Variants in PTPDC1 observed in about 807,000 individuals in gnomAD.
PTPDC1 encodes protein tyrosine phosphatase domain containing 1, also known as protein tyrosine phosphatase domain-containing protein 1.
PTPDC1 carries 53 observed loss-of-function variants against 75.3 expected under a neutral mutation model. The ratio of observed to expected loss-of-function variants is 0.70; its 90% CI spans 0.56 to 0.88. The LOEUF is 0.88. Among genes scored for constraint, PTPDC1 ranks in the 40% least tolerant of loss-of-function variants. The pLI, the probability that PTPDC1 is intolerant of heterozygous loss-of-function variation, is 0.00. For synonymous variants in PTPDC1, 349 were observed against 366.2 expected (o/e 0.95, Z 0.54); for missense variants, 925 against 998.6 (o/e 0.93, Z 0.99).
chr9:94,042,534 G>A (rs1049373843), intron 1 of PTPDC1, among the ~76,000 whole-genome samples: 18 of 152,098 alleles, frequency 1.2e-4, no homozygotes, highest in African/African-American at 4.1e-4. Context: ...ATGTATATAC[G>A]TTAATTTTAA....
intron 1 of PTPDC1, among the ~76,000 whole-genome samples, chr9:94,039,856 G>C (rs1172581281): frequency 6.6e-6 from 1 of 152,120 alleles, no homozygotes; most frequent in African/African-American, 2.4e-5. Flanking sequence ...ATCTATAGTA[G>C]ATTCTGTTAA....
chr9:94,040,686 T>C (rs939635958), intron 1 of PTPDC1, among the ~76,000 whole-genome samples: 7 of 152,170 alleles, frequency 4.6e-5, no homozygotes, highest in African/African-American at 1.7e-4. Context: ...ATATATTTAT[T>C]TTTACATATT....
At chr9:94,082,897 C>T (rs113067284), upstream of PTPDC1, among the ~76,000 whole-genome samples, 160 of 152,296 alleles carry the variant, frequency 1.1e-3, no homozygotes, top group Admixed American at 2.1e-3. Context: ...ACCCCTACCC[C>T]TTATCTAATG....
intron 2 of PTPDC1, among the ~76,000 whole-genome samples, chr9:94,073,910 G>A (rs1488867160): frequency 6.6e-6 from 1 of 151,976 alleles, no homozygotes; most frequent in South Asian, 2.1e-4. Flanking sequence ...CTGTCTTTCT[G>A]TTATCGATTT....
chr9:94,072,378 T>G (rs957330427), intron 2 of PTPDC1, among the ~76,000 whole-genome samples: 5 of 152,182 alleles, frequency 3.3e-5, no homozygotes, highest in Non-Finnish European at 7.4e-5. Flanking sequence ...GATTTTTGTA[T>G]GTTGATTTTA....
At chr9:94,062,098 G>A (rs1022972113) in intron 1 of PTPDC1, among the ~76,000 whole-genome samples, 1 of 152,140 alleles carries the variant, frequency 6.6e-6, no homozygotes, top group Non-Finnish European at 1.5e-5. Flanking sequence ...GCAGCCGGGT[G>A]ACTTCTTGAA....
chr9:94,077,616 C>T (rs528977273), intron 2 of PTPDC1, among the ~76,000 whole-genome samples: 1 of 152,296 alleles, frequency 6.6e-6, no homozygotes, highest in African/African-American at 2.4e-5. Flanking sequence ...ACAGAGCATC[C>T]ATGCTGACCC....
At chr9:94,035,510 G>T (rs1195859400) in intron 1 of PTPDC1, among the ~76,000 whole-genome samples, 1 of 152,154 alleles carries the variant, frequency 6.6e-6, no homozygotes, top group East Asian at 1.9e-4. Context: ...ATGTCAGAAT[G>T]TATTTCTTTT....
Position 94,101,791 on chromosome 9 carries a change from G to A in PTPDC1, c.2199+40G>A, listed in dbSNP as rs371915116. ...GGACCAGTTAATGACTGTAACTGAGGCCCTTAGTTTTTCACGCAGAAAAAA... is the reference window on the plus strand; with the variant it reads ...GGACCAGTTAATGACTGTAACTGAGACCCTTAGTTTTTCACGCAGAAAAAA... On this transcript the variant is annotated intron_variant, in intron 7 of 8. Coordinates refer to ENST00000620992, the MANE Select transcript of PTPDC1 (RefSeq NM_001253829.2). 26 of 1,223,856 alleles carry A rather than the reference G, an allele frequency of 2.1e-5. No homozygotes were observed. In the African/African-American group the frequency reaches 3.6e-4, roughly 17 times the overall value. 75.8% of individuals were successfully genotyped at this position (1,223,856 alleles called of 1,614,324 possible).
At chr9:94,061,457 T>C (rs1826132828) in intron 1 of PTPDC1, among the ~76,000 whole-genome samples, 1 of 152,240 alleles carries the variant, frequency 6.6e-6, no homozygotes, top group African/African-American at 2.4e-5. Flanking sequence ...GGGGACTCTG[T>C]GTAGGGGGTC....
intron 4 of PTPDC1, 88 bp downstream of exon 4, chr9:94,088,351 T>C: frequency 1.4e-6 from 2 of 1,425,802 alleles, no homozygotes; most frequent in African/African-American, 1.4e-5. Flanking sequence ...AAAAAGATGA[T>C]GGAAATAAAT....
chr9:94,048,171 A>AT (rs1287640570), intron 1 of PTPDC1, among the ~76,000 whole-genome samples: 4 of 152,054 alleles, frequency 2.6e-5, no homozygotes, highest in Admixed American at 6.6e-5. Flanking sequence ...GCATTCATTG[A>AT]TTTTTTGAAG....
chr9:94,078,162 T>A (rs1196841208), intron 2 of PTPDC1, among the ~76,000 whole-genome samples: 2 of 152,216 alleles, frequency 1.3e-5, no homozygotes, highest in Non-Finnish European at 2.9e-5. Context: ...TTGCTTTTAA[T>A]CTGAAGAACC....
chr9:94,037,527 T>A (rs1183797165), intron 1 of PTPDC1, among the ~76,000 whole-genome samples: 1 of 152,192 alleles, frequency 6.6e-6, no homozygotes. Context: ...TTTTGTAGCT[T>A]GTAATTTTTA....
intron 8 of PTPDC1, among the ~76,000 whole-genome samples, chr9:94,106,865 G>A (rs10821295): frequency 0.18 from 26,833 of 152,126 alleles, 2,728 homozygotes; most frequent in Non-Finnish European, 0.23. Context: ...GTAAACTTGG[G>A]TGAAAAATGC....
intron 8 of PTPDC1, 49 bp from the exon 9 acceptor site, chr9:94,107,779 G>T: frequency 1.9e-6 from 2 of 1,071,032 alleles, no homozygotes; most frequent in Non-Finnish European, 2.7e-6. Flanking sequence ...ATAGAAACTA[G>T]TTCAAATTCT....
At chr9:94,045,696 T>A (rs1477407532) in intron 1 of PTPDC1, among the ~76,000 whole-genome samples, 1 of 152,196 alleles carries the variant, frequency 6.6e-6, no homozygotes, top group Non-Finnish European at 1.5e-5. Context: ...GGGTTGTTTG[T>A]TTTTTTCTTA....
intron 1 of PTPDC1, among the ~76,000 whole-genome samples, chr9:94,040,231 A>G (rs1480430514): frequency 6.6e-6 from 1 of 152,198 alleles, no homozygotes; most frequent in African/African-American, 2.4e-5. Context: ...GATTAATTAC[A>G]TTAATGAGTG....
intron 1 of PTPDC1, among the ~76,000 whole-genome samples, chr9:94,051,178 G>A (rs1462019060): frequency 1.3e-5 from 2 of 152,284 alleles, no homozygotes; most frequent in East Asian, 1.9e-4. Flanking sequence ...GTGATGCCTC[G>A]CCCTGCTTCG....
Sources: allele counts gnomAD v4.1 joint callset (sites outside exome capture counted in the v4.1 genomes callset), GRCh38; gene constraint gnomAD v4.1.1; transcripts MANE v1.5; gene names NCBI Gene and HGNC (gene_info 2026-07-23, HGNC 2026-07-21).